SH3RF2: variants seen among roughly 807,000 people sequenced by gnomAD.
The protein encoded by SH3RF2 is SH3 domain containing ring finger 2, also known as E3 ubiquitin-protein ligase SH3RF2.
In SH3RF2, 43 loss-of-function variants were observed where a neutral mutation model predicts 59.0. The ratio of observed to expected loss-of-function variants is 0.73; its 90% CI spans 0.57 to 0.94. The LOEUF is 0.94. Among genes scored for constraint, SH3RF2 ranks in the 40% least tolerant of loss-of-function variants. The pLI, the probability that SH3RF2 is intolerant of heterozygous loss-of-function variation, is 0.00. For synonymous variants in SH3RF2, 391 were observed against 391.5 expected (o/e 1.00, Z 0.01); for missense variants, 930 against 940.1 (o/e 0.99, Z 0.14).
At chr5:145,945,266 C>G (rs1757968330) in intron 2 of SH3RF2, among the ~76,000 whole-genome samples, 1 of 152,136 alleles carries the variant, frequency 6.6e-6, no homozygotes, top group Non-Finnish European at 1.5e-5. Context: ...TCTTATTCCA[C>G]TTATGTAAAA....
At chr5:146,025,717 GTTT>G (rs34698676) in intron 5 of SH3RF2, among the ~76,000 whole-genome samples, 49,124 of 151,956 alleles carry the variant, frequency 0.32, 8,549 homozygotes, top group Non-Finnish European at 0.38. Flanking sequence ...TTCTGTTGTT[GTTT>G]TTATTGTGTT....
At chr5:146,023,596 T>C (rs1299146516) in intron 5 of SH3RF2, among the ~76,000 whole-genome samples, 1 of 152,272 alleles carries the variant, frequency 6.6e-6, no homozygotes, top group Non-Finnish European at 1.5e-5. Context: ...TAGGCAGTAC[T>C]AAGTACTTGT....
At chr5:146,045,327 T>C (rs1712882235) in intron 5 of SH3RF2, among the ~76,000 whole-genome samples, 1 of 152,378 alleles carries the variant, frequency 6.6e-6, no homozygotes, top group Admixed American at 6.5e-5. Flanking sequence ...TGCTTTATTA[T>C]TGAGATATCA....
chr5:145,971,725 C>T (rs753044051), intron 2 of SH3RF2, among the ~76,000 whole-genome samples: 62 of 152,100 alleles, frequency 4.1e-4, no homozygotes, highest in Non-Finnish European at 6.9e-4. Flanking sequence ...TGGCAGGTGC[C>T]GAAGAAGAAA....
chr5:146,038,176 C>T (rs1762008099), intron 5 of SH3RF2, among the ~76,000 whole-genome samples: 1 of 152,078 alleles, frequency 6.6e-6, no homozygotes. Flanking sequence ...TAAAAAGAAA[C>T]TTACTTAATG....
At chr5:145,963,864 G>A (rs1156872762) in intron 2 of SH3RF2, among the ~76,000 whole-genome samples, 2 of 140,904 alleles carry the variant, frequency 1.4e-5, no homozygotes, top group African/African-American at 5.3e-5. Flanking sequence ...ATGGAGTCTC[G>A]CTCTGTCGCC....
intron 2 of SH3RF2, among the ~76,000 whole-genome samples, chr5:145,949,523 G>C (rs550027268): frequency 2.0e-5 from 3 of 152,162 alleles, no homozygotes; most frequent in Non-Finnish European, 4.4e-5. Flanking sequence ...GAGAAATGGA[G>C]GGGCAGAAGA....
At chr5:146,018,394 A>T (rs1378458870) in intron 5 of SH3RF2, among the ~76,000 whole-genome samples, 1 of 152,092 alleles carries the variant, frequency 6.6e-6, no homozygotes, top group African/African-American at 2.4e-5. Flanking sequence ...TATAGCCTCC[A>T]GTTCCATCCA....
intron 4 of SH3RF2, among the ~76,000 whole-genome samples, chr5:146,011,660 CTCA>C: frequency 1.3e-5 from 2 of 152,106 alleles, no homozygotes; most frequent in African/African-American, 4.8e-5. Context: ...TGGGAGTTCG[CTCA>C]TGATTTGGCT....
intron 9 of SH3RF2, among the ~76,000 whole-genome samples, chr5:146,072,727 C>CACTA (rs1561776953): frequency 1.3e-5 from 2 of 152,124 alleles, no homozygotes; most frequent in South Asian, 2.1e-4. Context: ...TGACTAAATG[C>CACTA]AGGTACCTAG....
chr5:146,018,976 T>G (rs1761211525), intron 5 of SH3RF2, among the ~76,000 whole-genome samples: 1 of 152,156 alleles, frequency 6.6e-6, no homozygotes, highest in Non-Finnish European at 1.5e-5. Context: ...TGCTTTTTTC[T>G]TACTGATTTG....
rs1272936959 is a variant in SH3RF2 at position 146,062,511 on chromosome 5, A to C, written c.2000A>C (p.Gln667Pro). Residue 667 changes from glutamine (Q) to proline (P), a missense_variant, in exon 10 of 10, where the codon CAG (glutamine) becomes CCG (proline). Gln to Pro is a moderately conservative substitution (Grantham distance 76). Transcript: ENST00000359120. ...CATCCCACCTCCGGAAAGCCTGAACAGCCAGCCACCCTCAAGGCGTCCCAG... is the reference window on the plus strand; with the variant it reads ...CATCCCACCTCCGGAAAGCCTGAACCGCCAGCCACCCTCAAGGCGTCCCAG... The part of the protein sequence containing the change: ...TSHPTSGKPE[Q>P]PATLKASQPE... 2 of 1,614,148 alleles carry C rather than the reference A, an allele frequency of 1.2e-6. No individual in the cohort carries two copies. Among genetic ancestry groups the C allele is most frequent in the Non-Finnish European group, 1.7e-6 (2 of 1,180,032 alleles).
chr5:145,940,536 G>T (rs1049043073), intron 2 of SH3RF2, among the ~76,000 whole-genome samples: 1 of 152,098 alleles, frequency 6.6e-6, no homozygotes, highest in Admixed American at 6.5e-5. Context: ...TTACATCCTC[G>T]GTCAAATCCT....
intron 2 of SH3RF2, among the ~76,000 whole-genome samples, chr5:145,977,004 T>C (rs1030937975): frequency 6.6e-6 from 1 of 152,248 alleles, no homozygotes; most frequent in Non-Finnish European, 1.5e-5. Context: ...TAAGAAATTG[T>C]TGCAGTGAAA....
chr5:146,044,694 G>A (rs1762245632), intron 5 of SH3RF2, among the ~76,000 whole-genome samples: 1 of 151,932 alleles, frequency 6.6e-6, no homozygotes, highest in Admixed American at 6.6e-5. Context: ...TTCTCCCACA[G>A]TATCTCTGTC....
intron 2 of SH3RF2, among the ~76,000 whole-genome samples, chr5:145,964,973 G>T (rs1580783266): frequency 6.6e-6 from 1 of 152,040 alleles, no homozygotes; most frequent in Admixed American, 6.5e-5. Context: ...CAGGTGGATT[G>T]CCTGAGCTCA....
chr5:145,967,479 A>T (rs1758901830), intron 2 of SH3RF2, among the ~76,000 whole-genome samples: 1 of 152,158 alleles, frequency 6.6e-6, no homozygotes, highest in Admixed American at 6.5e-5. Flanking sequence ...ATGGAGGAGG[A>T]ATCTGAGGCA....
At chr5:146,072,826 C>T (rs1209417704) in intron 9 of SH3RF2, among the ~76,000 whole-genome samples, 5 of 152,150 alleles carry the variant, frequency 3.3e-5, no homozygotes. Context: ...CCCGTGTTTC[C>T]CTGCTGTGTC....
intron 5 of SH3RF2, among the ~76,000 whole-genome samples, chr5:146,041,293 T>C (rs1480071438): frequency 6.6e-6 from 1 of 152,186 alleles, no homozygotes; most frequent in African/African-American, 2.4e-5. Context: ...CAGAGCGTCC[T>C]GATCTTCCCC....
Sources: allele counts gnomAD v4.1 joint callset (sites outside exome capture counted in the v4.1 genomes callset), GRCh38; gene constraint gnomAD v4.1.1; transcripts MANE v1.5; gene names NCBI Gene and HGNC (gene_info 2026-07-23, HGNC 2026-07-21).